The following NBEA variants were observed in gnomAD, a reference collection of about 807,000 sequenced individuals.
NBEA encodes lysosomal-trafficking regulator 2.
A neutral mutation model predicts 343.4 loss-of-function variants in NBEA; 44 were observed. The ratio of observed to expected loss-of-function variants is 0.13; its 90% confidence interval spans 0.10 to 0.16. The LOEUF is 0.16. NBEA is among the 10% of genes least tolerant of loss of function. The pLI is 1.00. For missense variants in NBEA, 2,555 were observed against 3,631.3 expected, an observed-to-expected ratio of 0.70 and a Z score of 7.62; for synonymous variants, 1,175 against 1,238.7, an observed-to-expected ratio of 0.95 and a Z score of 1.08.
chr13:34,999,908 T>G (rs1282699903), intron 1 of NBEA, among the ~76,000 whole-genome samples: 1 of 152,176 alleles, frequency 6.6e-6, no homozygotes, highest in African/African-American at 2.4e-5. Flanking sequence ...TTACATTCAC[T>G]GGTAATCAGA....
intron 6 of NBEA, among the ~76,000 whole-genome samples, chr13:35,055,046 CTTT>C (rs952637166): frequency 3.9e-5 from 6 of 152,144 alleles, no homozygotes; most frequent in African/African-American, 1.4e-4. Context: ...ATTATTGTAA[CTTT>C]TTATTTCTGA....
chr13:35,668,828 A>C (rs1329283529), intron 58 of NBEA, among the ~76,000 whole-genome samples: 1 of 152,212 alleles, frequency 6.6e-6, no homozygotes, highest in Non-Finnish European at 1.5e-5. Context: ...CTAGTCTCAG[A>C]CAGGCCACCC....
intron 1 of NBEA, among the ~76,000 whole-genome samples, chr13:35,031,298 CATA>C (rs1402535041): frequency 6.6e-6 from 1 of 151,398 alleles, no homozygotes; most frequent in African/African-American, 2.4e-5. Flanking sequence ...CAGTTGGGCT[CATA>C]ATAATGAACA....
intron 58 of NBEA, among the ~76,000 whole-genome samples, chr13:35,670,474 C>T (rs559897212): frequency 6.6e-6 from 1 of 152,150 alleles, no homozygotes; most frequent in African/African-American, 2.4e-5. Flanking sequence ...AGACTGTGGA[C>T]CGAGAGGACA....
At chr13:35,625,528 G>A (rs1371668773) in intron 48 of NBEA, among the ~76,000 whole-genome samples, 1 of 152,140 alleles carries the variant, frequency 6.6e-6, no homozygotes, top group Non-Finnish European at 1.5e-5. Context: ...GGGAGGCTGA[G>A]ATGGAAGGAT....
chr13:35,361,920 T>A (rs2040830387), intron 38 of NBEA, among the ~76,000 whole-genome samples: 1 of 152,000 alleles, frequency 6.6e-6, no homozygotes, highest in African/African-American at 2.4e-5. Flanking sequence ...AGTAGCCACA[T>A]GAGAGAGCTT....
intron 38 of NBEA, among the ~76,000 whole-genome samples, chr13:35,412,657 C>G (rs2152918010): frequency 6.6e-6 from 1 of 152,196 alleles, no homozygotes; most frequent in East Asian, 1.9e-4. Flanking sequence ...ACATACAGTA[C>G]TCTATGTATA....
At chr13:35,030,739 G>A (rs1269578388) in intron 1 of NBEA, among the ~76,000 whole-genome samples, 1 of 151,552 alleles carries the variant, frequency 6.6e-6, no homozygotes, top group African/African-American at 2.4e-5. Context: ...AACAATAAAG[G>A]TTATAAAACC....
intron 7 of NBEA, among the ~76,000 whole-genome samples, 168 bp downstream of exon 7, chr13:35,056,297 A>C (rs2063257078): frequency 1.3e-5 from 2 of 152,152 alleles, no homozygotes; most frequent in South Asian, 4.1e-4. Flanking sequence ...GAAAATTTCT[A>C]AAAGACATGA....
chr13:35,306,969 T>G (rs188448366), intron 35 of NBEA, among the ~76,000 whole-genome samples: 2 of 152,208 alleles, frequency 1.3e-5, no homozygotes, highest in African/African-American at 4.8e-5. Context: ...AATTCTGAAT[T>G]TCACATTCTT....
chr13:35,543,665 T>G (rs1300475843), intron 41 of NBEA, among the ~76,000 whole-genome samples: 1 of 152,150 alleles, frequency 6.6e-6, no homozygotes, highest in African/African-American at 2.4e-5. Flanking sequence ...ATACCATTTT[T>G]TATTTTATTT....
At chr13:35,009,316 A>G (rs1053567505) in intron 1 of NBEA, among the ~76,000 whole-genome samples, 2 of 152,212 alleles carry the variant, frequency 1.3e-5, no homozygotes, top group African/African-American at 4.8e-5. Flanking sequence ...CAAAAGGTGG[A>G]AATTTCTGTG....
chr13:35,605,376 C>CT (rs1411548085), intron 47 of NBEA, among the ~76,000 whole-genome samples: 1 of 152,100 alleles, frequency 6.6e-6, no homozygotes, highest in Non-Finnish European at 1.5e-5. Context: ...TTTATATATG[C>CT]TTTTTCTAGA....
At chr13:35,347,318 A>C (rs2039935184) in intron 36 of NBEA, among the ~76,000 whole-genome samples, 2 of 152,076 alleles carry the variant, frequency 1.3e-5, no homozygotes, top group Non-Finnish European at 2.9e-5. Context: ...AGCAAAAAAA[A>C]GTTGATATAT....
chr13:35,488,289 C>T (rs977906852), intron 41 of NBEA, among the ~76,000 whole-genome samples: 1 of 151,816 alleles, frequency 6.6e-6, no homozygotes, highest in African/African-American at 2.4e-5. Context: ...GAAGCTAATC[C>T]ACTTAATAAG....
intron 8 of NBEA, among the ~76,000 whole-genome samples, chr13:35,065,235 A>G (rs1045143825): frequency 6.6e-6 from 1 of 152,044 alleles, no homozygotes; most frequent in African/African-American, 2.4e-5. Flanking sequence ...TTGCCTGGCT[A>G]TAAAATCCCT....
chr13:35,159,266 A>C lies in NBEA; in HGVS notation c.3095A>C (p.Lys1032Thr). ...TDTRDLLMSTKVSDDILGNSD... is the reference protein window; with the variant it reads ...TDTRDLLMSTTVSDDILGNSD... ...ACTCGAGACTTACTCATGTCAACAA[A>C]AGTGTCAGATGATATTCTTGGAAAT... The change falls in exon 22 of 59, where the codon AAA (lysine) becomes ACA (threonine). Residue 1032 changes from lysine to threonine, a missense_variant. This residue lies in a region of NBEA where 367 missense variants were observed against 377.5 expected (regional missense o/e 0.97). Transcript: ENST00000379939. 1 of 1,613,550 alleles carries C rather than the reference A, an allele frequency of 6.2e-7. No individual in the cohort carries two copies. Among genetic ancestry groups the C allele is most frequent in the Non-Finnish European group, 8.5e-7 (1 of 1,179,610 alleles).
In NBEA at chr13:35,601,188, A is replaced by G. The variant is rs1009138316; in HGVS notation, c.7297-5238A>G. 1.2e-3 allele frequency among the ~76,000 whole-genome samples: 183 copies of G among 152,174 alleles called. 1 individual carries two copies. Among genetic ancestry groups the G allele is most frequent in the African/African-American group, 4.3e-3 (178 of 41,518 alleles). Reference sequence around the variant, plus strand: ...CAAAACTGCATCTCAACAAAAAAAAAAAAAAAGAAACACACTTTGAAAACC... The same window carrying G: ...CAAAACTGCATCTCAACAAAAAAAAGAAAAAAGAAACACACTTTGAAAACC... On this transcript the variant is annotated intron_variant, in intron 47 of 58. Coordinates refer to ENST00000379939, the MANE Select transcript of NBEA (RefSeq NM_001385012.1).
At chr13:35,476,079 G>A (rs780508799) in intron 41 of NBEA, 1 of 1,614,190 alleles carries the variant, frequency 6.2e-7, no homozygotes, top group Admixed American at 1.7e-5. Flanking sequence ...TCCTGGCTTG[G>A]CATTTTTCGT....
Sources: gnomAD v4.1 joint callset for allele counts (sites outside exome capture counted in the v4.1 genomes callset) on GRCh38, gnomAD v4.1.1 for gene constraint, gnomAD v4.1.1 regional missense constraint, MANE v1.5 for transcripts, NCBI Gene and HGNC (gene_info 2026-07-23, HGNC 2026-07-21) for gene names.